The following PARN variants were observed in gnomAD, a reference collection of about 807,000 sequenced individuals.
PARN encodes poly(A)-specific ribonuclease, also known as poly(A)-specific ribonuclease PARN.
Under a neutral mutation model 102.8 loss-of-function variants are expected in PARN, and 71 were observed. That is an observed-to-expected ratio of 0.69 (90% CI 0.57 to 0.84). PARN has a LOEUF of 0.84. Ranked by LOEUF, PARN falls within the 40% of genes least tolerant of loss-of-function variation. The probability of loss-of-function intolerance (pLI) is 0.00; values close to 1 mark genes in which losing one functional copy is unlikely to be tolerated. For synonymous variants in PARN, 261 were observed against 252.9 expected (o/e 1.03, Z -0.30); for missense variants, 782 against 760.9 (o/e 1.03, Z -0.33).
intron 18 of PARN, among the ~76,000 whole-genome samples, chr16:14,573,711 A>T: frequency 6.6e-6 from 1 of 152,218 alleles, no homozygotes; most frequent in African/African-American, 2.4e-5. Context: ...CTGTACTGTT[A>T]TTTTGATAGT....
chr16:14,476,876 TA>T (rs572017030), intron 22 of PARN, among the ~76,000 whole-genome samples: 82 of 152,054 alleles, frequency 5.4e-4, no homozygotes, highest in African/African-American at 1.7e-3. Flanking sequence ...AACAGGATGA[TA>T]AAATATCAGC....
chr16:14,508,803 T>C (rs1965036922), intron 21 of PARN, among the ~76,000 whole-genome samples: 1 of 151,202 alleles, frequency 6.6e-6, no homozygotes, highest in African/African-American at 2.4e-5. Flanking sequence ...CTAACGCCTA[T>C]AATCCCAGCA....
chr16:14,621,621 C>T (rs1030507441), intron 5 of PARN, among the ~76,000 whole-genome samples: 1 of 151,584 alleles, frequency 6.6e-6, no homozygotes, highest in Non-Finnish European at 1.5e-5. Flanking sequence ...ACTATCCTGG[C>T]TAATACGGTG....
chr16:14,505,883 T>C (rs1964869585), intron 21 of PARN, among the ~76,000 whole-genome samples: 1 of 152,206 alleles, frequency 6.6e-6, no homozygotes. Flanking sequence ...AAAAAAATCA[T>C]CAATGGACAT....
At chr16:14,499,300 G>A (rs758413090) in intron 21 of PARN, among the ~76,000 whole-genome samples, 1 of 152,202 alleles carries the variant, frequency 6.6e-6, no homozygotes, top group African/African-American at 2.4e-5. Context: ...AATACAGGGG[G>A]ATGGGAGAAG....
Position 14,469,544 on chromosome 16 carries a change from G to A in PARN, c.1670+13094C>T, listed in dbSNP as rs534057025. On this transcript the variant is annotated intron_variant, in intron 22 of 23. Transcript: ENST00000437198. ...AGGAGGCCCCTCAGATCTGGAGATCGTATTTAAACATGGAACCACCTATCA... is the reference window on the plus strand; with the variant it reads ...AGGAGGCCCCTCAGATCTGGAGATCATATTTAAACATGGAACCACCTATCA... Among the ~76,000 whole-genome samples, 29 of 152,248 alleles carry A rather than the reference G, an allele frequency of 1.9e-4. No individual in the cohort carries two copies. In the South Asian group the frequency reaches 5.0e-3, roughly 26 times the overall value.
At chr16:14,445,010 T>G (rs1961134205) in intron 23 of PARN, among the ~76,000 whole-genome samples, 2 of 138,738 alleles carry the variant, frequency 1.4e-5, no homozygotes, top group South Asian at 2.3e-4. Flanking sequence ...TTTTTTTTTG[T>G]AGAGAAAAGG....
At chr16:14,598,164 A>T (rs1050906290) in intron 12 of PARN, among the ~76,000 whole-genome samples, 1 of 151,172 alleles carries the variant, frequency 6.6e-6, no homozygotes, top group African/African-American at 2.4e-5. Flanking sequence ...ATATATATAT[A>T]TTTAAGGTAT....
At chr16:14,463,853 G>GGGGA in intron 22 of PARN, among the ~76,000 whole-genome samples, 1 of 119,992 alleles carries the variant, frequency 8.3e-6, no homozygotes, top group African/African-American at 3.4e-5. Flanking sequence ...GGGGGGGGAC[G>GGGGA]ACAAGGTCTC....
At chr16:14,561,233 AAGAATTTC>A (rs1487981080) in intron 18 of PARN, among the ~76,000 whole-genome samples, 1 of 152,070 alleles carries the variant, frequency 6.6e-6, no homozygotes, top group Non-Finnish European at 1.5e-5. Context: ...TTAGTTACTG[AAGAATTTC>A]ATTTCAGATA....
chr16:14,618,894 A>G (rs1972105567), intron 5 of PARN, among the ~76,000 whole-genome samples: 1 of 152,142 alleles, frequency 6.6e-6, no homozygotes, highest in African/African-American at 2.4e-5. Context: ...AATGTTCTCA[A>G]TGTTGAAGAT....
chr16:14,450,666 G>C (rs781479602), intron 22 of PARN, among the ~76,000 whole-genome samples: 2 of 152,112 alleles, frequency 1.3e-5, no homozygotes, highest in Non-Finnish European at 2.9e-5. Context: ...CTATTGTCCA[G>C]ATCTTAGTTT....
chr16:14,552,221 T>C, intron 20 of PARN, 126 bp from the exon 21 acceptor site: 1 of 636,264 alleles, frequency 1.6e-6, no homozygotes, highest in South Asian at 2.2e-5. Flanking sequence ...TTATTTAAAA[T>C]GTGATCAAAA....
chr16:14,462,442 GA>G, intron 22 of PARN, among the ~76,000 whole-genome samples: 1 of 151,014 alleles, frequency 6.6e-6, no homozygotes, highest in Middle Eastern at 3.4e-3. Flanking sequence ...AGAAATGAAA[GA>G]AAAAAACTGT....
At chr16:14,501,271 A>AC (rs1567326417) in intron 21 of PARN, among the ~76,000 whole-genome samples, 1 of 142,182 alleles carries the variant, frequency 7.0e-6, no homozygotes, top group Non-Finnish European at 1.5e-5. Flanking sequence ...TTTACAAAAA[A>AC]AAACAAAAAA....
intron 23 of PARN, among the ~76,000 whole-genome samples, chr16:14,446,419 A>T (rs1315944417): frequency 6.6e-6 from 1 of 152,254 alleles, no homozygotes; most frequent in Non-Finnish European, 1.5e-5. Context: ...TCTAGCATGT[A>T]GTAGGCTCTC....
intron 22 of PARN, among the ~76,000 whole-genome samples, chr16:14,474,408 T>C (rs1962926169): frequency 6.6e-6 from 1 of 152,168 alleles, no homozygotes; most frequent in South Asian, 2.1e-4. Context: ...AACTAAAAAT[T>C]CCACTATAAG....
intron 9 of PARN, among the ~76,000 whole-genome samples, chr16:14,607,420 C>A (rs1971260898): frequency 6.6e-6 from 1 of 152,002 alleles, no homozygotes; most frequent in Non-Finnish European, 1.5e-5. Flanking sequence ...GTTGGCCAGG[C>A]TGGTCTTGAA....
chr16:14,438,978 G>A (rs903380490), intron 23 of PARN, among the ~76,000 whole-genome samples: 1 of 152,220 alleles, frequency 6.6e-6, no homozygotes, highest in African/African-American at 2.4e-5. Context: ...AGAAGGTATG[G>A]TTTTTAAAAA....
Sources: allele counts gnomAD v4.1 joint callset (sites outside exome capture counted in the v4.1 genomes callset), GRCh38; gene constraint gnomAD v4.1.1; transcripts MANE v1.5; gene names NCBI Gene and HGNC (gene_info 2026-07-23, HGNC 2026-07-21).